COX7A2L: variants seen among roughly 807,000 people sequenced by gnomAD.
The protein encoded by COX7A2L is cytochrome c oxidase subunit 7A2 like.
A neutral mutation model predicts 14.2 loss-of-function variants in COX7A2L; 18 were observed. The ratio of observed to expected loss-of-function variants is 1.27; its 90% CI spans 0.88 to 1.88. The LOEUF is 1.88. COX7A2L is among the 40% of genes most tolerant of loss of function. The probability of loss-of-function intolerance (pLI) is 0.00; values close to 1 mark genes in which losing one functional copy is unlikely to be tolerated. For missense variants in COX7A2L, 179 were observed against 138.8 expected, an observed-to-expected ratio of 1.29 and a Z score of -1.46; for synonymous variants, 65 against 57.4, an observed-to-expected ratio of 1.13 and a Z score of -0.60.
intron 2 of COX7A2L, among the ~76,000 whole-genome samples, chr2:42,337,914 C>T (rs1243296454): frequency 6.6e-6 from 1 of 152,196 alleles, no homozygotes; most frequent in Admixed American, 6.5e-5. Context: ...TGGGACCAAG[C>T]GGTGCCCACT....
intron 1 of COX7A2L, among the ~76,000 whole-genome samples, chr2:42,355,714 GTTCT>G (rs1670793798): frequency 1.2e-5 from 1 of 82,868 alleles, no homozygotes; most frequent in African/African-American, 5.0e-5. Flanking sequence ...AAAATCCTAC[GTTCT>G]TTTTTTTTTT....
intron 1 of COX7A2L, among the ~76,000 whole-genome samples, chr2:42,360,566 C>G (rs559284828): frequency 1.1e-4 from 16 of 152,318 alleles, no homozygotes; most frequent in African/African-American, 3.6e-4. Context: ...TGCAACTTCC[C>G]TCCCTGGACG....
At chr2:42,344,157 C>G (rs1018040711) in intron 2 of COX7A2L, among the ~76,000 whole-genome samples, 3 of 152,086 alleles carry the variant, frequency 2.0e-5, no homozygotes, top group South Asian at 2.1e-4. Flanking sequence ...TAAATAGTTG[C>G]AAAAAGTATA....
rs538290162 is a variant in COX7A2L, at chr2:42,337,894, G to A, written c.193-4025C>T. Reference sequence around the variant, plus strand: ...CTCCACTGACCAGTCAGAGGAGGCAGTGCGGACCGTGGGACCAAGCGGTGC... The same window carrying A: ...CTCCACTGACCAGTCAGAGGAGGCAATGCGGACCGTGGGACCAAGCGGTGC... On this transcript the variant is annotated intron_variant, in intron 2 of 2. Coordinates refer to the COX7A2L transcript ENST00000468711. Among the ~76,000 whole-genome samples, 6 of 152,326 alleles carry A rather than the reference G, an allele frequency of 3.9e-5. No homozygotes were observed. In the South Asian group the frequency reaches 1.2e-3, roughly 32 times the overall value.
chr2:42,345,329 G>A (rs913759111), downstream of COX7A2L, among the ~76,000 whole-genome samples: 2 of 152,164 alleles, frequency 1.3e-5, no homozygotes, highest in African/African-American at 4.8e-5. Flanking sequence ...GTTGCAGTGA[G>A]CCGAGAATGT....
At position 42,349,417 on chromosome 2, in the gene COX7A2L, G is replaced by A. The variant is rs1469509750; in HGVS notation, c.*1802C>T. ...AAATCCATAGAGACTGAAAGTAGAT[G>A]AGTGCTTGCTTTGGGCTAGGAGGTG... is the stretch of plus-strand genomic sequence containing the variant. On this transcript the variant is annotated 3_prime_UTR_variant, in exon 3 of 3. Coordinates refer to ENST00000234301, the MANE Select transcript of COX7A2L (RefSeq NM_004718.4). 6.6e-6 allele frequency: 1 copy of A among 152,192 alleles called. No homozygotes were observed. Among genetic ancestry groups the A allele is most frequent in the Non-Finnish European group, 1.5e-5 (1 of 68,040 alleles). 9.4% of individuals were successfully genotyped at this position (152,192 alleles called of 1,614,324 possible).
chr2:42,340,491 G>A (rs531665128), intron 2 of COX7A2L, among the ~76,000 whole-genome samples: 184 of 152,200 alleles, frequency 1.2e-3, no homozygotes, highest in Admixed American at 1.9e-3. Context: ...GGTTAGTCCC[G>A]ACACACACCC....
In COX7A2L at chr2:42,338,563, G is replaced by T. The variant is rs1670333758; in HGVS notation, c.193-4694C>A. On this transcript the variant is annotated intron_variant, in intron 2 of 2. Coordinates refer to the COX7A2L transcript ENST00000468711. The surrounding 1 kb of genome is among the most constrained non-coding windows in gnomAD (Gnocchi z 4.4). ...TTTGCCAGGCTTGGACATTTCCATGGAGAAGATGATTAATTATGAACCAAG... is the reference window on the plus strand; with the variant it reads ...TTTGCCAGGCTTGGACATTTCCATGTAGAAGATGATTAATTATGAACCAAG... Among the ~76,000 whole-genome samples, 1 of 152,132 alleles carries T rather than the reference G, an allele frequency of 6.6e-6. No homozygotes were observed. The highest frequency in any genetic ancestry group is 2.4e-5 in the African/African-American group (1 of 41,420).
intron 1 of COX7A2L, among the ~76,000 whole-genome samples, chr2:42,367,887 G>T (rs940937505): frequency 6.6e-6 from 1 of 152,210 alleles, no homozygotes; most frequent in Non-Finnish European, 1.5e-5. Flanking sequence ...CAAGGCTACC[G>T]TGTCCTCTTC....
rs1303593005 is a variant in COX7A2L, at chr2:42,349,422, C to A, written c.*1797G>T. 1 of 152,080 alleles carries A rather than the reference C, an allele frequency of 6.6e-6. No individual in the cohort carries two copies. The highest frequency in any genetic ancestry group is 1.5e-5 in the Non-Finnish European group (1 of 68,020). 9.4% of individuals were successfully genotyped at this position (152,080 alleles called of 1,614,324 possible). On this transcript the variant is annotated 3_prime_UTR_variant, in exon 3 of 3. Coordinates refer to ENST00000234301, the MANE Select transcript of COX7A2L (RefSeq NM_004718.4). ...CATAGAGACTGAAAGTAGATGAGTG[C>A]TTGCTTTGGGCTAGGAGGTGGGAGT...
At chr2:42,346,335 T>G (rs1034756603), downstream of COX7A2L, among the ~76,000 whole-genome samples, 1 of 152,206 alleles carries the variant, frequency 6.6e-6, no homozygotes, top group African/African-American at 2.4e-5. Context: ...GAGGCCCAGC[T>G]TCGCTCAGGT....
At position 42,337,826 on chromosome 2, in the gene COX7A2L, C is replaced by G. The variant is rs1287506537; in HGVS notation, c.193-3957G>C. ...GAGAAGAAAATGAGCCTTACTACCA[C>G]GAAGCCTTTTGAAACTCTCCCTGCA... On this transcript the variant is annotated intron_variant, in intron 2 of 2. Transcript: ENST00000468711. Among the ~76,000 whole-genome samples the G allele has an allele frequency of 2.6e-5, 4 of 152,180 alleles. No homozygotes were observed. The East Asian group carries it at 7.7e-4, about 29-fold the overall frequency.
At chr2:42,364,218 T>C (rs1311005499), upstream of COX7A2L, among the ~76,000 whole-genome samples, 1 of 128,674 alleles carries the variant, frequency 7.8e-6, no homozygotes, top group Non-Finnish European at 1.6e-5. Context: ...GCCACTGCAC[T>C]CCAGCCTGGG....
chr2:42,359,900 T>C (rs1572800673), intron 1 of COX7A2L: 2 of 152,204 alleles, frequency 1.3e-5, no homozygotes, highest in African/African-American at 4.8e-5. Flanking sequence ...TCATCTGTTT[T>C]TGTTTTTAGA....
upstream of COX7A2L, among the ~76,000 whole-genome samples, chr2:42,363,640 G>A (rs150744161): frequency 5.1e-4 from 77 of 152,356 alleles, no homozygotes; most frequent in African/African-American, 1.9e-3. Flanking sequence ...CTGATCATGG[G>A]AAGATTTTGT....
rs1331839099 is a variant in COX7A2L, at chr2:42,351,006, AC to A, written c.*212del. 2.1e-6 allele frequency: 1 copy of A among 482,288 alleles called. No homozygotes were observed. Among genetic ancestry groups the A allele is most frequent in the Non-Finnish European group, 3.6e-6 (1 of 279,300 alleles). The allele number at this position is 482,288 out of a possible 1,614,324, so 29.9% of individuals were successfully genotyped here. A position where few individuals can be genotyped will look rare whatever the true frequency, so the allele number is the denominator to read the frequency against. The stretch of plus-strand genomic sequence containing the variant: ...CAGGAGCACAAACACAGAGCAAAGC[AC>A]CATTTCTTTAAACAATGGCTTTAAC... On this transcript the variant is annotated 3_prime_UTR_variant, in exon 3 of 3. Transcript: ENST00000234301.
downstream of COX7A2L, among the ~76,000 whole-genome samples, chr2:42,349,145 TG>T (rs1670561433): frequency 6.6e-6 from 1 of 152,198 alleles, no homozygotes; most frequent in African/African-American, 2.4e-5. Context: ...CATATGTCCA[TG>T]TAAACATATG....
chr2:42,337,888 G>C lies in COX7A2L; in HGVS notation c.193-4019C>G, dbSNP rs566345676. Among the ~76,000 whole-genome samples, 84 of 152,306 alleles carry C rather than the reference G, an allele frequency of 5.5e-4. 1 individual carries two copies. Among genetic ancestry groups the C allele is most frequent in the Non-Finnish European group, 4.6e-4 (31 of 68,018 alleles). On this transcript the variant is annotated intron_variant, in intron 2 of 2. Coordinates refer to the COX7A2L transcript ENST00000468711. ...GCAGTGCTCCACTGACCAGTCAGAG[G>C]AGGCAGTGCGGACCGTGGGACCAAG...
chr2:42,361,953 G>T (rs1412576280), upstream of COX7A2L: 1 of 152,170 alleles, frequency 6.6e-6, no homozygotes, highest in Non-Finnish European at 1.5e-5. Context: ...GTAGCCTCCT[G>T]GGCTTTGTGC....
Sources: gnomAD v4.1 joint callset for allele counts (sites outside exome capture counted in the v4.1 genomes callset) on GRCh38, gnomAD v4.1.1 for gene constraint, Gnocchi (gnomAD v3.1) non-coding constraint, MANE v1.5 for transcripts, NCBI Gene and HGNC (gene_info 2026-07-23, HGNC 2026-07-21) for gene names.